The following EYA1 variants were observed in gnomAD, a reference collection of about 807,000 sequenced individuals.
EYA1 encodes EYA transcriptional coactivator and phosphatase 1.
A neutral mutation model predicts 82.0 loss-of-function variants in EYA1; 16 were observed. The ratio of observed to expected loss-of-function variants is 0.20; its 90% CI spans 0.13 to 0.30. The LOEUF (loss-of-function observed/expected upper bound fraction) is 0.30, where lower values mean the gene tolerates loss of function less well. Among genes scored for constraint, EYA1 ranks in the 10% least tolerant of loss-of-function variants. The pLI is 1.00. For missense variants in EYA1, 633 were observed against 730.7 expected, an observed-to-expected ratio of 0.87 and a Z score of 1.54; for synonymous variants, 261 against 264.4, an observed-to-expected ratio of 0.99 and a Z score of 0.12.
intron 2 of EYA1, among the ~76,000 whole-genome samples, chr8:71,461,819 A>C (rs1808383340): frequency 6.6e-6 from 1 of 152,062 alleles, no homozygotes; most frequent in Non-Finnish European, 1.5e-5. Flanking sequence ...TCCATTCCCT[A>C]GCCAGGGTGT....
chr8:71,536,290 C>G (rs1015180038), intron 1 of EYA1, among the ~76,000 whole-genome samples: 1 of 151,910 alleles, frequency 6.6e-6, no homozygotes, highest in African/African-American at 2.4e-5. Context: ...GTAGTCTGAA[C>G]AAGGATGAAA....
intron 2 of EYA1, among the ~76,000 whole-genome samples, chr8:71,454,003 A>T (rs1230822796): frequency 6.6e-6 from 1 of 152,206 alleles, no homozygotes; most frequent in Non-Finnish European, 1.5e-5. Flanking sequence ...GAGACCCATC[A>T]GTGTGCTGTA....
chr8:71,466,162 T>C (rs1478776150), intron 2 of EYA1, among the ~76,000 whole-genome samples: 3 of 152,188 alleles, frequency 2.0e-5, no homozygotes, highest in Non-Finnish European at 4.4e-5. Context: ...ATAACAGCTT[T>C]GATGGCCTCA....
intron 11 of EYA1, among the ~76,000 whole-genome samples, chr8:71,254,118 A>T (rs1814085830): frequency 6.6e-6 from 1 of 152,086 alleles, no homozygotes; most frequent in African/African-American, 2.4e-5. Flanking sequence ...AAAACGAAAG[A>T]ATGTACAGCA....
At chr8:71,426,711 T>C (rs2129155966) in intron 2 of EYA1, among the ~76,000 whole-genome samples, 1 of 152,374 alleles carries the variant, frequency 6.6e-6, no homozygotes, top group East Asian at 1.9e-4. Context: ...ATATCAAAGA[T>C]TGATGACTTA....
chr8:71,322,302 A>G, intron 4 of EYA1, 34 bp from the exon 5 acceptor site: 5 of 1,568,932 alleles, frequency 3.2e-6, no homozygotes, highest in Non-Finnish European at 4.4e-6. Flanking sequence ...ATAATGCACA[A>G]TAATCCAAGC....
intron 2 of EYA1, among the ~76,000 whole-genome samples, chr8:71,501,777 C>T (rs1273512951): frequency 6.6e-6 from 1 of 152,132 alleles, no homozygotes; most frequent in African/African-American, 2.4e-5. Flanking sequence ...AAACTCCAGC[C>T]GGAAAGTCAG....
intron 2 of EYA1, among the ~76,000 whole-genome samples, chr8:71,450,011 G>T (rs920681107): frequency 2.0e-5 from 3 of 152,166 alleles, no homozygotes; most frequent in Non-Finnish European, 4.4e-5. Context: ...TAATTGAAGA[G>T]AGTTAGGGCC....
chr8:71,299,489 A>G, intron 8 of EYA1, 149 bp downstream of exon 8: 1 of 695,704 alleles, frequency 1.4e-6, no homozygotes, highest in Non-Finnish European at 2.5e-6. Context: ...CAAACAACTC[A>G]CCACAAAAGA....
intron 2 of EYA1, among the ~76,000 whole-genome samples, chr8:71,408,781 T>C (rs998793901): frequency 1.0e-4 from 14 of 140,150 alleles, no homozygotes; most frequent in East Asian, 7.9e-4. Context: ...ATGGGGGACT[T>C]TAACACCCCA....
At chr8:71,305,079 T>G (rs1367251461) in intron 7 of EYA1, among the ~76,000 whole-genome samples, 1 of 143,012 alleles carries the variant, frequency 7.0e-6, no homozygotes, top group Non-Finnish European at 1.6e-5. Context: ...TTAACATCAA[T>G]CCACTGAGAG....
chr8:71,272,483 C>T (rs757013171), intron 9 of EYA1, among the ~76,000 whole-genome samples: 1 of 152,164 alleles, frequency 6.6e-6, no homozygotes, highest in African/African-American at 2.4e-5. Context: ...CACACACTGT[C>T]CATCACCGGC....
intron 2 of EYA1, among the ~76,000 whole-genome samples, chr8:71,392,793 T>C (rs1450197936): frequency 6.6e-6 from 1 of 152,164 alleles, no homozygotes; most frequent in African/African-American, 2.4e-5. Context: ...GTCTTAAGTC[T>C]ATCTCTTTTT....
intron 12 of EYA1, among the ~76,000 whole-genome samples, chr8:71,233,742 C>G (rs1404890048): frequency 6.6e-6 from 1 of 152,008 alleles, no homozygotes; most frequent in Non-Finnish European, 1.5e-5. Flanking sequence ...ATATGAAAGT[C>G]TAATATCTTG....
intron 9 of EYA1, among the ~76,000 whole-genome samples, chr8:71,275,356 G>T (rs552911647): frequency 6.6e-6 from 1 of 152,188 alleles, no homozygotes; most frequent in Non-Finnish European, 1.5e-5. Context: ...GGCATTACAG[G>T]GAAGAGTATA....
At chr8:71,364,066 A>G (rs1332752629), upstream of EYA1, among the ~76,000 whole-genome samples, 3 of 151,924 alleles carry the variant, frequency 2.0e-5, no homozygotes, top group African/African-American at 7.2e-5. Flanking sequence ...TTTAATTTTT[A>G]TTTATATAAC....
At chr8:71,448,616 T>A (rs991818087) in intron 2 of EYA1, among the ~76,000 whole-genome samples, 1 of 152,234 alleles carries the variant, frequency 6.6e-6, no homozygotes, top group Non-Finnish European at 1.5e-5. Flanking sequence ...CAGTGAATGC[T>A]GTCCAGATGG....
chr8:71,491,188 C>G (rs1810972333), intron 2 of EYA1, among the ~76,000 whole-genome samples: 1 of 152,176 alleles, frequency 6.6e-6, no homozygotes, highest in Admixed American at 6.5e-5. Context: ...GGCTCGAACT[C>G]AGGACTTCTG....
At chr8:71,399,275 G>A (rs1407937612) in intron 2 of EYA1, among the ~76,000 whole-genome samples, 2 of 150,922 alleles carry the variant, frequency 1.3e-5, no homozygotes, top group African/African-American at 2.4e-5. Context: ...TGCTCCATGG[G>A]CTGAACCCAC....
Sources: gnomAD v4.1 joint callset for allele counts (sites outside exome capture counted in the v4.1 genomes callset) on GRCh38, gnomAD v4.1.1 for gene constraint, MANE v1.5 for transcripts, NCBI Gene and HGNC (gene_info 2026-07-23, HGNC 2026-07-21) for gene names.